DAAM1: variants seen among roughly 807,000 people sequenced by gnomAD.
DAAM1 encodes the protein disheveled-associated activator of morphogenesis 1.
In DAAM1, 52 loss-of-function variants were observed where a neutral mutation model predicts 130.0. The observed-to-expected ratio is 0.40, with a 90% confidence interval of 0.32 to 0.50. The LOEUF (loss-of-function observed/expected upper bound fraction) is 0.50, where lower values mean the gene tolerates loss of function less well. Ranked by LOEUF, DAAM1 falls within the 20% of genes least tolerant of loss-of-function variation. The pLI is 0.61. For missense variants in DAAM1, 1,134 were observed against 1,303.8 expected, an observed-to-expected ratio of 0.87 and a Z score of 2.01; for synonymous variants, 452 against 444.5, an observed-to-expected ratio of 1.02 and a Z score of -0.21.
chr14:59,353,769 G>C (rs1886372206), intron 18 of DAAM1, 107 bp from the exon 19 acceptor site: 2 of 913,282 alleles, frequency 2.2e-6, no homozygotes, highest in African/African-American at 3.3e-5. Flanking sequence ...GGGGGAGTGG[G>C]TGGGTATTGG....
rs1022053558 is a variant in DAAM1 at position 59,324,379 on chromosome 14, G to A, written c.914G>A (p.Arg305His). The A allele has an allele frequency of 5.7e-6, 9 of 1,589,032 alleles. No individual in the cohort carries two copies. The highest frequency in any genetic ancestry group is 3.5e-5 in the South Asian group (3 of 85,004). The change falls in exon 8 of 25, where the codon CGC becomes CAC. Residue 305 changes from arginine (R) to histidine (H), a missense_variant. Arg to His is a conservative substitution (Grantham distance 29). Around this residue, in one of 3 missense-constraint regions of DAAM1, gnomAD observed 391 missense variants for 521.6 expected, o/e 0.75. Coordinates refer to ENST00000360909, the MANE Select transcript of DAAM1 (RefSeq NM_001270520.2). ...AGTTTGGACTTTAGACTTCATCTTC[G>A]CTATGAATTTCTGATGTTAGGAATT... The part of the protein sequence containing the change: ...VESLDFRLHL[R>H]YEFLMLGIQP...
At chr14:59,243,323 G>A (rs1881212059) in intron 1 of DAAM1, among the ~76,000 whole-genome samples, 1 of 151,952 alleles carries the variant, frequency 6.6e-6, no homozygotes, top group African/African-American at 2.4e-5. Flanking sequence ...TTTCTTTAAA[G>A]AGTGTTGGAC....
chr14:59,272,715 A>AT (rs1882778959), intron 2 of DAAM1, among the ~76,000 whole-genome samples: 1 of 152,050 alleles, frequency 6.6e-6, no homozygotes, highest in South Asian at 2.1e-4. Context: ...ACAGTGTAGC[A>AT]TTTTTTGATA....
At chr14:59,218,972 T>C (rs543356715) in intron 1 of DAAM1, among the ~76,000 whole-genome samples, 1 of 152,326 alleles carries the variant, frequency 6.6e-6, no homozygotes, top group Admixed American at 6.5e-5. Flanking sequence ...GACGGACACA[T>C]AACCTGTTAG....
chr14:59,212,142 A>G (rs1283910544), intron 1 of DAAM1, among the ~76,000 whole-genome samples: 1 of 152,200 alleles, frequency 6.6e-6, no homozygotes, highest in African/African-American at 2.4e-5. Flanking sequence ...AATTTTTACC[A>G]TGACTGGTAG....
chr14:59,308,436 C>T (rs564633000), intron 3 of DAAM1, among the ~76,000 whole-genome samples: 81 of 152,170 alleles, frequency 5.3e-4, no homozygotes, highest in Non-Finnish European at 1.0e-3. Context: ...TTATTCCATG[C>T]AGTTCCCAGG....
Position 59,263,502 on chromosome 14 carries a change from C to T in DAAM1, c.25C>T (p.Arg9Ter), listed in dbSNP as rs1210216000. The change falls in exon 2 of 25, where the codon CGA (arginine) becomes TGA (stop). Residue 9 changes from arginine to a stop codon, truncating the protein, a stop_gained. Transcript: ENST00000360909. LOFTEE classifies it high-confidence loss of function. Reference protein sequence around the residue: MAPRKRGGRGISFIFCCFR... With the variant: MAPRKRGG ...CATGGCCCCAAGAAAGAGAGGTGGA[C>T]GAGGTATTTCATTCATCTTTTGCTG... The T allele has an allele frequency of 1.5e-5, 24 of 1,614,152 alleles. No individual in the cohort carries two copies. Among genetic ancestry groups the T allele is most frequent in the Non-Finnish European group, 1.9e-5 (23 of 1,180,024 alleles).
intron 2 of DAAM1, among the ~76,000 whole-genome samples, chr14:59,267,902 C>CCT (rs1566675859): frequency 8.8e-6 from 1 of 113,636 alleles, no homozygotes; most frequent in African/African-American, 3.5e-5. Flanking sequence ...ACGCCCCCCC[C>CCT]TTTTTTTTTT....
At chr14:59,276,775 C>CAAAACAAAAG (rs1301797459) in intron 2 of DAAM1, among the ~76,000 whole-genome samples, 49 of 152,198 alleles carry the variant, frequency 3.2e-4, no homozygotes, top group African/African-American at 1.1e-3. Context: ...CATTAAAAAG[C>CAAAACAAAAG]AAAACAAAAG....
chr14:59,256,773 G>A (rs1371595161), intron 1 of DAAM1, among the ~76,000 whole-genome samples: 1 of 152,182 alleles, frequency 6.6e-6, no homozygotes, highest in Non-Finnish European at 1.5e-5. Flanking sequence ...CCTCCCTGCT[G>A]TATGTCTGCA....
chr14:59,193,374 A>G (rs1007540062), intron 1 of DAAM1, among the ~76,000 whole-genome samples: 1 of 152,216 alleles, frequency 6.6e-6, no homozygotes, highest in Non-Finnish European at 1.5e-5. Flanking sequence ...CCACTGAAAC[A>G]GGGACAGACG....
At chr14:59,316,335 A>G (rs962329306) in intron 4 of DAAM1, among the ~76,000 whole-genome samples, 6 of 152,224 alleles carry the variant, frequency 3.9e-5, no homozygotes, top group Admixed American at 3.3e-4. Flanking sequence ...TGCTGCTGGA[A>G]TAGTTAAAAA....
intron 22 of DAAM1, 46 bp from the exon 23 acceptor site, chr14:59,363,605 C>G (rs766850914): frequency 6.2e-7 from 1 of 1,611,558 alleles, no homozygotes; most frequent in Non-Finnish European, 8.5e-7. Flanking sequence ...TGTCTCATGT[C>G]TGTATTTGAA....
chr14:59,309,265 AAAAGTAGGATT>A (rs1884485476), intron 3 of DAAM1, among the ~76,000 whole-genome samples: 1 of 152,238 alleles, frequency 6.6e-6, no homozygotes, highest in African/African-American at 2.4e-5. Context: ...GCTATTTTCA[AAAAGTAGGATT>A]AAATATAGAT....
chr14:59,272,295 C>T (rs369667703), intron 2 of DAAM1, among the ~76,000 whole-genome samples: 3 of 152,144 alleles, frequency 2.0e-5, no homozygotes, highest in African/African-American at 4.8e-5. Flanking sequence ...GGTGCAGTGG[C>T]TGGCCAGGCA....
At chr14:59,229,992 G>A (rs1180747228) in intron 1 of DAAM1, among the ~76,000 whole-genome samples, 1 of 152,220 alleles carries the variant, frequency 6.6e-6, no homozygotes, top group East Asian at 1.9e-4. Flanking sequence ...ATTTAGCACT[G>A]TCAACCTACC....
At chr14:59,272,543 C>T (rs1594792151) in intron 2 of DAAM1, among the ~76,000 whole-genome samples, 1 of 151,992 alleles carries the variant, frequency 6.6e-6, no homozygotes, top group East Asian at 1.9e-4. Flanking sequence ...GGCCACTGCA[C>T]TCCAGCCTGG....
At chr14:59,213,349 C>CAA (rs35496333) in intron 1 of DAAM1, among the ~76,000 whole-genome samples, 678 of 68,908 alleles carry the variant, frequency 9.8e-3, no homozygotes, top group Middle Eastern at 0.019. Context: ...CACAGCTTAC[C>CAA]AAAAAAAAAA....
chr14:59,248,906 G>C (rs1235339389), intron 1 of DAAM1, among the ~76,000 whole-genome samples: 1 of 152,138 alleles, frequency 6.6e-6, no homozygotes, highest in African/African-American at 2.4e-5. Flanking sequence ...TCCTGCCTCA[G>C]CCTCCCAAGT....
Sources: gnomAD v4.1 joint callset for allele counts (sites outside exome capture counted in the v4.1 genomes callset) on GRCh38, gnomAD v4.1.1 for gene constraint, gnomAD v4.1.1 regional missense constraint, MANE v1.5 for transcripts, NCBI Gene and HGNC (gene_info 2026-07-23, HGNC 2026-07-21) for gene names.